LMX1B: variants seen among roughly 807,000 people sequenced by gnomAD.
LMX1B encodes LIM homeobox transcription factor 1-beta.
In LMX1B, 12 loss-of-function variants were observed where a neutral mutation model predicts 51.4. That is an observed-to-expected ratio of 0.23 (90% CI 0.15 to 0.38). LMX1B has a LOEUF of 0.38. LMX1B is among the 10% of genes least tolerant of loss of function. LMX1B has a pLI of 1.00. For missense variants in LMX1B, 445 were observed against 571.1 expected (o/e 0.78, Z 2.25); for synonymous variants, 237 against 235.4 (o/e 1.01, Z -0.06).
At chr9:126,636,037 G>T (rs1471244581) in intron 2 of LMX1B, among the ~76,000 whole-genome samples, 1 of 149,810 alleles carries the variant, frequency 6.7e-6, no homozygotes, top group Non-Finnish European at 1.5e-5. Flanking sequence ...AGTTCCCTGG[G>T]TGTCCTTTAC....
chr9:126,626,956 T>G lies in LMX1B; in HGVS notation c.326+11387T>G, dbSNP rs560168915. ...GCAGCGTCCGCCGGTCCGTCCGGGC[T>G]CCTCTGCAGGGAAGAGGCCTTGGTC... On this transcript the variant is annotated intron_variant, in intron 2 of 7. Coordinates refer to ENST00000373474, the MANE Select transcript of LMX1B (RefSeq NM_001174147.2). The surrounding 1 kb of genome is among the most constrained non-coding windows in gnomAD (Gnocchi z 4.3). 4.9e-4 allele frequency among the ~76,000 whole-genome samples: 75 copies of G among 152,204 alleles called. No individual in the cohort carries two copies. The highest frequency in any genetic ancestry group is 1.7e-3 in the African/African-American group (72 of 41,532).
At position 126,699,501 on chromosome 9, in the gene LMX1B, C is replaced by T. The variant is rs2030467680; in HGVS notation, c.*3050C>T. ...AGCCAGAAGGGACCTCAGAGAGTCC[C>T]TTATGCTGGAGGCGCCCTGTCAGCC... is the stretch of plus-strand genomic sequence containing the variant. On this transcript the variant is annotated 3_prime_UTR_variant, in exon 8 of 8. Coordinates refer to ENST00000373474, the MANE Select transcript of LMX1B (RefSeq NM_001174147.2). 6.6e-6 allele frequency: 1 copy of T among 152,292 alleles called. No individual in the cohort carries two copies. Among genetic ancestry groups the T allele is most frequent in the African/African-American group, 2.4e-5 (1 of 41,448 alleles). The allele number at this position is 152,292 out of a possible 1,614,324, so 9.4% of individuals were successfully genotyped here.
chr9:126,624,899 G>A (rs936218846), intron 2 of LMX1B, among the ~76,000 whole-genome samples: 10 of 152,134 alleles, frequency 6.6e-5, no homozygotes, highest in African/African-American at 1.4e-4. Context: ...GGAGGGAGGT[G>A]GGGGGAGAGT....
In LMX1B at chr9:126,625,156, C is replaced by A. The variant is rs1298755309; in HGVS notation, c.326+9587C>A. ...GAAGCCGAGCACCTTACAACCGTGT[C>A]CCCTCCACCCCTTCCGAGGACGGCG... On this transcript the variant is annotated intron_variant, in intron 2 of 7. Coordinates refer to ENST00000373474, the MANE Select transcript of LMX1B (RefSeq NM_001174147.2). The surrounding 1 kb of genome is among the most constrained non-coding windows in gnomAD (Gnocchi z 5.3). 6.6e-6 allele frequency among the ~76,000 whole-genome samples: 1 copy of A among 152,240 alleles called. No individual in the cohort carries two copies. Among genetic ancestry groups the A allele is most frequent in the African/African-American group, 2.4e-5 (1 of 41,478 alleles).
chr9:126,667,612 G>C (rs1238378339), intron 2 of LMX1B, among the ~76,000 whole-genome samples: 1 of 152,234 alleles, frequency 6.6e-6, no homozygotes, highest in Non-Finnish European at 1.5e-5. Flanking sequence ...CTATAGATCT[G>C]GAGGTGGTGG....
At chr9:126,652,238 G>A (rs553084500) in intron 2 of LMX1B, among the ~76,000 whole-genome samples, 4 of 151,942 alleles carry the variant, frequency 2.6e-5, no homozygotes, top group African/African-American at 7.2e-5. Context: ...CGCGGCAGGA[G>A]GGGGCTGCAG....
At chr9:126,690,752 GCAA>G in intron 2 of LMX1B, 81 bp from the exon 3 acceptor site, 2 of 1,236,086 alleles carry the variant, frequency 1.6e-6, no homozygotes, top group Non-Finnish European at 2.3e-6. Context: ...GGTCAGGGTG[GCAA>G]GAGGGAGAGG....
Position 126,698,586 on chromosome 9 carries a change from C to G in LMX1B, c.*2135C>G, listed in dbSNP as rs1012044312. 2.6e-5 allele frequency: 4 copies of G among 152,554 alleles called. No individual in the cohort carries two copies. Among genetic ancestry groups the G allele is most frequent in the African/African-American group, 9.6e-5 (4 of 41,470 alleles). The allele number at this position is 152,554 out of a possible 1,614,324, so 9.5% of individuals were successfully genotyped here. The stretch of plus-strand genomic sequence containing the variant: ...CTGGGGCCTGACTGGTGAGCCCACC[C>G]TGTCCCCTGGTGATCACTGTGTCCC... On this transcript the variant is annotated 3_prime_UTR_variant, in exon 8 of 8. Coordinates refer to ENST00000373474, the MANE Select transcript of LMX1B (RefSeq NM_001174147.2).
chr9:126,632,913 T>A (rs538654265), intron 2 of LMX1B, among the ~76,000 whole-genome samples: 2 of 152,206 alleles, frequency 1.3e-5, no homozygotes, highest in Non-Finnish European at 2.9e-5. Flanking sequence ...GATTCTTAAC[T>A]TTTGAACAAG....
At chr9:126,654,867 A>G (rs1836082539) in intron 2 of LMX1B, among the ~76,000 whole-genome samples, 1 of 152,104 alleles carries the variant, frequency 6.6e-6, no homozygotes, top group South Asian at 2.1e-4. Context: ...CATTCACCCT[A>G]CTAATCATTT....
chr9:126,697,837 CTGTTT>C lies in LMX1B; in HGVS notation c.*1437_*1441del, dbSNP rs59836255. 52,779 of 147,162 alleles carry C rather than the reference CTGTTT, an allele frequency of 0.36. 9,826 individuals carry two copies. Among genetic ancestry groups the C allele is most frequent in the Middle Eastern group, 0.55 (161 of 294 alleles). The allele number at this position is 147,162 out of a possible 1,614,324, so 9.1% of individuals were successfully genotyped here. A position where few individuals can be genotyped will look rare whatever the true frequency, so the allele number is the denominator to read the frequency against. On this transcript the variant is annotated 3_prime_UTR_variant, in exon 8 of 8. Coordinates refer to ENST00000373474, the MANE Select transcript of LMX1B (RefSeq NM_001174147.2). ...TGTATATGCAGGATGGGGGCACCTA[CTGTTT>C]TGTTTTGTTTTGTTTTGTTTTGTTT...
rs2030332167 is a variant in LMX1B at position 126,696,318 on chromosome 9, T to C, written c.1076T>C (p.Ile359Thr). ...GGGAACGACTCCATCTTCCATGACA[T>C]CGACAGCGATACCTCCTTAACCAGC... Reference protein sequence around the residue: ...PYGNDSIFHDIDSDTSLTSLS... With the variant: ...PYGNDSIFHDTDSDTSLTSLS... The change falls in exon 8 of 8, where the codon ATC becomes ACC. Residue 359 changes from isoleucine to threonine, a missense_variant. By Grantham distance (89) the Ile-to-Thr change is moderately conservative. Around this residue, in one of 3 missense-constraint regions of LMX1B, gnomAD observed 162 missense variants for 187.8 expected, o/e 0.86. Coordinates refer to ENST00000373474, the MANE Select transcript of LMX1B (RefSeq NM_001174147.2). 6.2e-7 allele frequency: 1 copy of C among 1,614,032 alleles called. No homozygotes were observed. Among genetic ancestry groups the C allele is most frequent in the Non-Finnish European group, 8.5e-7 (1 of 1,179,978 alleles).
chr9:126,685,040 C>G (rs891406791), intron 2 of LMX1B, among the ~76,000 whole-genome samples: 6 of 152,156 alleles, frequency 3.9e-5, no homozygotes, highest in African/African-American at 1.4e-4. Flanking sequence ...ACCACCTCCT[C>G]CATGCCAGTA....
intron 2 of LMX1B, among the ~76,000 whole-genome samples, chr9:126,652,710 T>C (rs1361706101): frequency 6.6e-6 from 1 of 152,162 alleles, no homozygotes; most frequent in African/African-American, 2.4e-5. Flanking sequence ...CTGCTTGGCG[T>C]CCACATGATG....
intron 2 of LMX1B, among the ~76,000 whole-genome samples, chr9:126,666,059 A>G (rs888265033): frequency 1.3e-5 from 2 of 152,260 alleles, no homozygotes; most frequent in African/African-American, 4.8e-5. Flanking sequence ...CCTGCGCCTC[A>G]GTAACCCTCA....
At chr9:126,623,586 C>A (rs759566392) in intron 2 of LMX1B, among the ~76,000 whole-genome samples, 26 of 152,322 alleles carry the variant, frequency 1.7e-4, no homozygotes, top group East Asian at 5.8e-4. Flanking sequence ...ATTTCCCCCC[C>A]AGGCGGGTCC....
chr9:126,679,878 C>G (rs1836641504), intron 2 of LMX1B, among the ~76,000 whole-genome samples: 1 of 152,202 alleles, frequency 6.6e-6, no homozygotes, highest in Non-Finnish European at 1.5e-5. Context: ...CAACACTTCC[C>G]CCATTGGAAT....
intron 2 of LMX1B, among the ~76,000 whole-genome samples, chr9:126,684,401 C>T (rs1359405999): frequency 6.6e-6 from 1 of 152,142 alleles, no homozygotes; most frequent in African/African-American, 2.4e-5. Context: ...TATTAAGATC[C>T]CTCCTGTGCC....
chr9:126,691,424 A>C (rs564747182), intron 3 of LMX1B, among the ~76,000 whole-genome samples: 6 of 152,322 alleles, frequency 3.9e-5, no homozygotes, highest in African/African-American at 1.2e-4. Context: ...CCGGGAATTC[A>C]AAAGCCACAC....
Sources: gnomAD v4.1 joint callset for allele counts (sites outside exome capture counted in the v4.1 genomes callset) on GRCh38, gnomAD v4.1.1 for gene constraint, gnomAD v4.1.1 regional missense constraint, Gnocchi (gnomAD v3.1) non-coding constraint, MANE v1.5 for transcripts, NCBI Gene and HGNC (gene_info 2026-07-23, HGNC 2026-07-21) for gene names.